The following STK33 variants were observed in gnomAD, a reference collection of about 807,000 sequenced individuals.
STK33 encodes serine/threonine kinase 33, also known as serine/threonine-protein kinase 33.
A neutral mutation model predicts 58.0 loss-of-function variants in STK33; 52 were observed. The ratio of observed to expected loss-of-function variants is 0.90; its 90% CI spans 0.72 to 1.13. STK33 has a LOEUF of 1.13. Ranked by LOEUF, STK33 falls within the 50% of genes most tolerant of loss-of-function variation. The probability of loss-of-function intolerance (pLI) is 0.00; values close to 1 mark genes in which losing one functional copy is unlikely to be tolerated. For synonymous variants in STK33, 215 were observed against 200.1 expected, an observed-to-expected ratio of 1.07 and a Z score of -0.63; for missense variants, 630 against 604.2, an observed-to-expected ratio of 1.04 and a Z score of -0.45.
intron 1 of STK33, among the ~76,000 whole-genome samples, chr11:8,502,712 G>C (rs1396922914): frequency 1.3e-5 from 2 of 152,180 alleles, no homozygotes; most frequent in Non-Finnish European, 2.9e-5. Flanking sequence ...CAGAATGGGA[G>C]AAAATACTTG....
chr11:8,442,401 G>C (rs945980286), intron 11 of STK33, among the ~76,000 whole-genome samples: 1 of 152,158 alleles, frequency 6.6e-6, no homozygotes, highest in Non-Finnish European at 1.5e-5. Context: ...CACAGCAGGG[G>C]ACGGGAAATC....
chr11:8,550,773 G>A (rs1312245410), intron 1 of STK33, among the ~76,000 whole-genome samples: 1 of 152,158 alleles, frequency 6.6e-6, no homozygotes, highest in African/African-American at 2.4e-5. Context: ...TTTGGGCAAA[G>A]AATTTTGGGC....
the STK33 span, among the ~76,000 whole-genome samples, chr11:8,385,948 G>C: frequency 6.6e-6 from 1 of 151,744 alleles, no homozygotes; most frequent in Non-Finnish European, 1.5e-5. Context: ...CTAATTTTTT[G>C]TATTTTTAGT....
chr11:8,353,250 G>C, the STK33 span, among the ~76,000 whole-genome samples: 1 of 152,196 alleles, frequency 6.6e-6, no homozygotes, highest in African/African-American at 2.4e-5. Flanking sequence ...AAGAAGCCAC[G>C]AACCTGAGTT....
chr11:8,496,632 T>A (rs1951077398), intron 1 of STK33, among the ~76,000 whole-genome samples: 1 of 151,782 alleles, frequency 6.6e-6, no homozygotes, highest in Admixed American at 6.6e-5. Flanking sequence ...TGGAGTGCAG[T>A]GGCGTGATCT....
chr11:8,462,420 T>TATATATAC (rs1289937907), intron 7 of STK33, among the ~76,000 whole-genome samples: 1 of 112,268 alleles, frequency 8.9e-6, no homozygotes, highest in South Asian at 3.4e-4. Flanking sequence ...TACACACACA[T>TATATATAC]ATATATACAT....
chr11:8,574,109 T>C (rs1477209563), intron 1 of STK33, among the ~76,000 whole-genome samples: 4 of 152,070 alleles, frequency 2.6e-5, no homozygotes, highest in African/African-American at 4.8e-5. Context: ...TCCCTCCCTA[T>C]CCCCACTCAC....
At chr11:8,477,957 G>C (rs16938248) in intron 2 of STK33, among the ~76,000 whole-genome samples, 2,001 of 152,214 alleles carry the variant, frequency 0.013, 40 homozygotes, top group African/African-American at 0.046. Flanking sequence ...TCTTACCACA[G>C]CAATTCTAAA....
Position 8,474,780 on chromosome 11 carries a change from C to A in STK33, c.126G>T (p.Met42Ile), listed in dbSNP as rs1449781975. Residue 42 changes from methionine (M) to isoleucine (I), a missense_variant, in exon 5 of 16, where the codon ATG becomes ATT. Met to Ile is a conservative substitution (Grantham distance 10, BLOSUM62 1). Transcript: ENST00000687296. ...TRVPPVLVVE[M>I]SQTSSIGSAE... ...CACTACCAATGCTTGATGTCTGTGA[C>A]ATTTCCACCACCAAAACTGGAGGAA... is the stretch of plus-strand genomic sequence containing the variant. 1 of 1,613,394 alleles carries A rather than the reference C, an allele frequency of 6.2e-7. No homozygotes were observed. Among genetic ancestry groups the A allele is most frequent in the African/African-American group, 1.3e-5 (1 of 74,990 alleles).
At chr11:8,475,500 C>A (rs1949183854) in intron 4 of STK33, 1 of 152,068 alleles carries the variant, frequency 6.6e-6, no homozygotes, top group Non-Finnish European at 1.5e-5. Flanking sequence ...AATTTTAAAC[C>A]TTAATCTATT....
intron 1 of STK33, among the ~76,000 whole-genome samples, chr11:8,570,719 G>A (rs575374293): frequency 7.0e-4 from 107 of 152,276 alleles, no homozygotes; most frequent in African/African-American, 2.5e-3. Context: ...GAGAGAGGCA[G>A]GATGGAGACA....
At chr11:8,367,510 C>T in the STK33 span, among the ~76,000 whole-genome samples, 1 of 152,062 alleles carries the variant, frequency 6.6e-6, no homozygotes, top group East Asian at 1.9e-4. Context: ...TGCACTGTGA[C>T]ATGGACCTGA....
chr11:8,400,611 T>A lies in STK33; in HGVS notation c.1345-7901A>T, dbSNP rs1228227566. 2.6e-5 allele frequency among the ~76,000 whole-genome samples: 4 copies of A among 152,198 alleles called. No homozygotes were observed. The East Asian group carries it at 5.8e-4, about 22-fold the overall frequency. On this transcript the variant is annotated intron_variant, in intron 15 of 15. Transcript: ENST00000687296. ...TCCTATTTAACATAGTGTTGGAAGT[T>A]CTGGCCAGGGCAATCAGGCAGGAGA...
intron 11 of STK33, among the ~76,000 whole-genome samples, chr11:8,451,743 C>T (rs1946305326): frequency 6.6e-6 from 1 of 152,038 alleles, no homozygotes; most frequent in Non-Finnish European, 1.5e-5. Flanking sequence ...AAAAATATAT[C>T]CTACATTGTA....
At chr11:8,475,105 T>TAG (rs1319236875) in intron 4 of STK33, 39 bp from the exon 5 acceptor site, 1 of 470,916 alleles carries the variant, frequency 2.1e-6, no homozygotes, top group African/African-American at 2.0e-5. Flanking sequence ...GAGAAATTCT[T>TAG]AACCTATTAC....
the STK33 span, among the ~76,000 whole-genome samples, chr11:8,370,499 A>G: frequency 6.6e-6 from 1 of 152,142 alleles, no homozygotes; most frequent in East Asian, 1.9e-4. Context: ...GCCAGGCCCC[A>G]AAGCTGAGAC....
At chr11:8,345,101 C>G in the STK33 span, among the ~76,000 whole-genome samples, 5 of 152,178 alleles carry the variant, frequency 3.3e-5, no homozygotes, top group Non-Finnish European at 7.3e-5. Flanking sequence ...CGCACCTTCC[C>G]TCTATGCTTG....
intron 1 of STK33, among the ~76,000 whole-genome samples, chr11:8,491,542 T>C (rs1457810976): frequency 1.3e-5 from 2 of 152,204 alleles, no homozygotes; most frequent in Non-Finnish European, 2.9e-5. Flanking sequence ...CCAGGAGAAT[T>C]TCCCCAACCT....
At chr11:8,341,938 A>G in the STK33 span, among the ~76,000 whole-genome samples, 1 of 152,266 alleles carries the variant, frequency 6.6e-6, no homozygotes, top group Admixed American at 6.5e-5. Context: ...CACTGACATC[A>G]GGATTTGCAG....
Sources: allele counts gnomAD v4.1 joint callset (sites outside exome capture counted in the v4.1 genomes callset), GRCh38; gene constraint gnomAD v4.1.1; transcripts MANE v1.5; gene names NCBI Gene and HGNC (gene_info 2026-07-23, HGNC 2026-07-21).